SLC24A2: variants seen among roughly 807,000 people sequenced by gnomAD.
SLC24A2 encodes the protein solute carrier family 24 member 2, also known as sodium/potassium/calcium exchanger 2.
SLC24A2 carries 36 observed loss-of-function variants against 62.0 expected under a neutral mutation model. The ratio of observed to expected loss-of-function variants is 0.58; its 90% CI spans 0.44 to 0.77. SLC24A2 has a LOEUF of 0.77. Ranked by LOEUF, SLC24A2 falls within the 30% of genes least tolerant of loss-of-function variation. The probability of loss-of-function intolerance (pLI) is 0.00; values close to 1 mark genes in which losing one functional copy is unlikely to be tolerated. For synonymous variants in SLC24A2, 358 were observed against 294.0 expected (o/e 1.22, Z -2.23); for missense variants, 846 against 817.9 (o/e 1.03, Z -0.42).
the SLC24A2 span, among the ~76,000 whole-genome samples, chr9:20,244,446 G>A: frequency 8.5e-5 from 13 of 152,236 alleles, no homozygotes; most frequent in African/African-American, 2.4e-4. Flanking sequence ...CAGAGGACCC[G>A]CCCAGCCCCT....
At chr9:19,932,616 G>T in the SLC24A2 span, among the ~76,000 whole-genome samples, 1 of 152,182 alleles carries the variant, frequency 6.6e-6, no homozygotes, top group South Asian at 2.1e-4. Flanking sequence ...CACTTCGTGG[G>T]TATGTGGAAG....
intron 2 of SLC24A2, among the ~76,000 whole-genome samples, chr9:19,650,916 C>T (rs1818783916): frequency 6.6e-6 from 1 of 152,018 alleles, no homozygotes; most frequent in Non-Finnish European, 1.5e-5. Context: ...GGTTGAAATG[C>T]TTCTGAAGTG....
At chr9:19,516,429 G>C in intron 10 of SLC24A2, 27 bp from the exon 11 acceptor site, 1 of 1,612,082 alleles carries the variant, frequency 6.2e-7, no homozygotes, top group Admixed American at 1.7e-5. Flanking sequence ...CAGGGCAGAG[G>C]GGAGTGGGAA....
chr9:19,706,657 C>G (rs1038290667), intron 2 of SLC24A2, among the ~76,000 whole-genome samples: 1 of 152,258 alleles, frequency 6.6e-6, no homozygotes, highest in African/African-American at 2.4e-5. Flanking sequence ...GGATTACAGG[C>G]GTGAGCCACC....
At chr9:19,670,184 A>G (rs1487314995) in intron 2 of SLC24A2, among the ~76,000 whole-genome samples, 1 of 152,050 alleles carries the variant, frequency 6.6e-6, no homozygotes, top group Non-Finnish European at 1.5e-5. Flanking sequence ...CAGTCTTGAG[A>G]CCCCTTTTCA....
the SLC24A2 span, among the ~76,000 whole-genome samples, chr9:19,857,332 C>G: frequency 6.6e-6 from 1 of 152,188 alleles, no homozygotes; most frequent in African/African-American, 2.4e-5. Context: ...GCAAGGTAAT[C>G]TAGGACAATC....
At chr9:19,700,595 A>G (rs1006465028) in intron 2 of SLC24A2, among the ~76,000 whole-genome samples, 2 of 152,210 alleles carry the variant, frequency 1.3e-5, no homozygotes, top group African/African-American at 4.8e-5. Flanking sequence ...AGTTTTCCAC[A>G]GAAAGCTCTG....
chr9:19,660,279 G>A (rs1819058356), intron 2 of SLC24A2, among the ~76,000 whole-genome samples: 1 of 152,184 alleles, frequency 6.6e-6, no homozygotes, highest in Non-Finnish European at 1.5e-5. Context: ...ATATAAGCAG[G>A]TATGGGTGAA....
At chr9:19,562,371 C>G (rs1835446820) in intron 7 of SLC24A2, among the ~76,000 whole-genome samples, 1 of 151,896 alleles carries the variant, frequency 6.6e-6, no homozygotes, top group South Asian at 2.1e-4. Context: ...CTTAATGTAT[C>G]TTATGGGAAC....
At chr9:20,193,251 G>C in the SLC24A2 span, among the ~76,000 whole-genome samples, 2 of 152,140 alleles carry the variant, frequency 1.3e-5, no homozygotes, top group Non-Finnish European at 2.9e-5. Context: ...AACTGGATTT[G>C]TAACCCTGAG....
chr9:19,533,978 C>G (rs1315549917), intron 8 of SLC24A2, among the ~76,000 whole-genome samples: 1 of 149,386 alleles, frequency 6.7e-6, no homozygotes, highest in East Asian at 2.0e-4. Flanking sequence ...CCTGGGTAAT[C>G]TGGGATGTAG....
intron 2 of SLC24A2, 142 bp from the exon 3 acceptor site, chr9:19,622,441 AG>A: frequency 1.3e-6 from 1 of 777,434 alleles, no homozygotes. Flanking sequence ...AAGCCAAAAC[AG>A]GGGACTAAGG....
At chr9:20,123,586 T>C in the SLC24A2 span, among the ~76,000 whole-genome samples, 1 of 152,208 alleles carries the variant, frequency 6.6e-6, no homozygotes, top group African/African-American at 2.4e-5. Flanking sequence ...ACTGAACTTT[T>C]ATCAATTACA....
intron 2 of SLC24A2, among the ~76,000 whole-genome samples, chr9:19,688,750 G>A (rs1030616992): frequency 6.6e-6 from 1 of 152,032 alleles, no homozygotes; most frequent in Non-Finnish European, 1.5e-5. Flanking sequence ...AGTTTCTTAT[G>A]TGGCCCCAAC....
chr9:19,698,834 G>T (rs368184241), intron 2 of SLC24A2, among the ~76,000 whole-genome samples: 1 of 152,148 alleles, frequency 6.6e-6, no homozygotes, highest in Non-Finnish European at 1.5e-5. Context: ...TATGGGAATT[G>T]TACCACTGCT....
chr9:19,971,949 T>C, the SLC24A2 span, among the ~76,000 whole-genome samples: 4 of 152,180 alleles, frequency 2.6e-5, no homozygotes, highest in Non-Finnish European at 1.5e-5. Flanking sequence ...GAATATTAAG[T>C]GACCTTTGTC....
At chr9:20,125,952 G>GA in the SLC24A2 span, among the ~76,000 whole-genome samples, 1 of 152,202 alleles carries the variant, frequency 6.6e-6, no homozygotes, top group African/African-American at 2.4e-5. Context: ...GAGGATCTGG[G>GA]AGGGGAGGGC....
At chr9:20,069,615 T>C in the SLC24A2 span, among the ~76,000 whole-genome samples, 41 of 152,336 alleles carry the variant, frequency 2.7e-4, no homozygotes, top group African/African-American at 9.1e-4. Context: ...TATCCTGATA[T>C]CTATGGTAAT....
chr9:19,943,645 C>T, the SLC24A2 span, among the ~76,000 whole-genome samples: 1 of 152,166 alleles, frequency 6.6e-6, no homozygotes, highest in Non-Finnish European at 1.5e-5. Flanking sequence ...CACTTTGCAG[C>T]TAATGTTCTG....
Sources: allele counts gnomAD v4.1 joint callset (sites outside exome capture counted in the v4.1 genomes callset), GRCh38; gene constraint gnomAD v4.1.1; transcripts MANE v1.5; gene names NCBI Gene and HGNC (gene_info 2026-07-23, HGNC 2026-07-21).